Variants in ERG observed in about 807,000 individuals in gnomAD.
The protein encoded by ERG is transcriptional regulator ERG.
In ERG, 9 loss-of-function variants were observed where a neutral mutation model predicts 55.3. The ratio of observed to expected loss-of-function variants is 0.16; its 90% CI spans 0.10 to 0.28. The LOEUF (loss-of-function observed/expected upper bound fraction) is 0.28. Among genes scored for constraint, ERG ranks in the 10% least tolerant of loss-of-function variants. ERG has a pLI of 1.00. For missense variants in ERG, 434 were observed against 631.6 expected, an observed-to-expected ratio of 0.69 and a Z score of 3.35; for synonymous variants, 223 against 237.3, an observed-to-expected ratio of 0.94 and a Z score of 0.55.
At chr21:38,433,095 T>C (rs923233327) in intron 2 of ERG, among the ~76,000 whole-genome samples, 3 of 152,158 alleles carry the variant, frequency 2.0e-5, no homozygotes, top group African/African-American at 7.2e-5. Context: ...ATAAGTTTGG[T>C]CTAAAAGAAA....
intron 1 of ERG, among the ~76,000 whole-genome samples, chr21:38,655,049 G>A (rs1365004232): frequency 1.3e-5 from 2 of 152,138 alleles, no homozygotes; most frequent in African/African-American, 2.4e-5. Flanking sequence ...GTTTTATGTT[G>A]AGATTGTAAA....
chr21:38,385,811 T>C (rs1987669039), intron 9 of ERG, among the ~76,000 whole-genome samples: 2 of 152,196 alleles, frequency 1.3e-5, no homozygotes, highest in Non-Finnish European at 2.9e-5. Flanking sequence ...GTATATATAT[T>C]GTAACCAAAA....
chr21:38,639,557 C>T (rs2060410936), intron 1 of ERG, among the ~76,000 whole-genome samples: 1 of 152,008 alleles, frequency 6.6e-6, no homozygotes, highest in Non-Finnish European at 1.5e-5. Flanking sequence ...AGAAAAATTT[C>T]CCACAACTGA....
At chr21:38,530,502 G>A (rs536421709) in intron 2 of ERG, among the ~76,000 whole-genome samples, 3 of 152,302 alleles carry the variant, frequency 2.0e-5, no homozygotes, top group Non-Finnish European at 2.9e-5. Context: ...TTTACAGAGA[G>A]GCCAGAAAGC....
At chr21:38,570,248 C>T (rs181314737) in intron 2 of ERG, among the ~76,000 whole-genome samples, 5 of 152,262 alleles carry the variant, frequency 3.3e-5, no homozygotes, top group Admixed American at 3.3e-4. Context: ...TTTCCCTTAT[C>T]CCCAACCACT....
At chr21:38,632,432 G>T (rs537979632) in intron 1 of ERG, among the ~76,000 whole-genome samples, 1 of 152,328 alleles carries the variant, frequency 6.6e-6, no homozygotes, top group African/African-American at 2.4e-5. Flanking sequence ...GGGTGATAGG[G>T]TTTGGATCTG....
At chr21:38,596,612 T>C (rs2060133135) in intron 1 of ERG, among the ~76,000 whole-genome samples, 1 of 152,200 alleles carries the variant, frequency 6.6e-6, no homozygotes, top group Admixed American at 6.5e-5. Context: ...TGACAGAAAT[T>C]CAACTACACA....
chr21:38,573,904 C>T (rs540071140), intron 2 of ERG, among the ~76,000 whole-genome samples: 5 of 152,244 alleles, frequency 3.3e-5, no homozygotes, highest in African/African-American at 7.2e-5. Flanking sequence ...AAATCAGAGC[C>T]GAAAACATAG....
intron 1 of ERG, among the ~76,000 whole-genome samples, chr21:38,481,249 A>G (rs1481234528): frequency 6.6e-6 from 1 of 152,198 alleles, no homozygotes; most frequent in Non-Finnish European, 1.5e-5. Flanking sequence ...AATCACATAC[A>G]TTGCCAAATG....
chr21:38,404,561 G>C (rs1988671087), intron 3 of ERG, among the ~76,000 whole-genome samples: 2 of 152,214 alleles, frequency 1.3e-5, no homozygotes, highest in Non-Finnish European at 2.9e-5. Flanking sequence ...TCAGAGTGTG[G>C]TAAATGGGGC....
chr21:38,543,401 T>C (rs774086908), intron 2 of ERG, among the ~76,000 whole-genome samples: 4 of 151,500 alleles, frequency 2.6e-5, no homozygotes, highest in South Asian at 2.1e-4. Flanking sequence ...TTAGCAGAGG[T>C]TATTTCCACA....
At chr21:38,461,971 A>T (rs2059046982) in intron 1 of ERG, among the ~76,000 whole-genome samples, 1 of 149,310 alleles carries the variant, frequency 6.7e-6, no homozygotes, top group African/African-American at 2.5e-5. Flanking sequence ...TGCCTGGCTA[A>T]TTTTTTTTTC....
At chr21:38,603,298 T>C (rs1255122229) in intron 1 of ERG, among the ~76,000 whole-genome samples, 1 of 152,050 alleles carries the variant, frequency 6.6e-6, no homozygotes, top group East Asian at 1.9e-4. Context: ...GAACATGTTT[T>C]AGGACTTTCA....
chr21:38,512,135 A>C (rs2059517099), intron 2 of ERG, among the ~76,000 whole-genome samples: 1 of 152,224 alleles, frequency 6.6e-6, no homozygotes, highest in Non-Finnish European at 1.5e-5. Context: ...TGCCCATCCT[A>C]ACCCACACAA....
chr21:38,588,106 G>A (rs1201776845), upstream of ERG, among the ~76,000 whole-genome samples: 1 of 152,216 alleles, frequency 6.6e-6, no homozygotes, highest in Non-Finnish European at 1.5e-5. Flanking sequence ...GAGAAGCTTT[G>A]CCAGAGAAAG....
chr21:38,495,378 T>C (rs1601135558), intron 1 of ERG, among the ~76,000 whole-genome samples: 1 of 152,242 alleles, frequency 6.6e-6, no homozygotes, highest in East Asian at 1.9e-4. Context: ...AGGCAAGTCA[T>C]GGAAATAGCA....
intron 6 of ERG, among the ~76,000 whole-genome samples, chr21:38,393,623 C>G (rs745969348): frequency 9.9e-5 from 15 of 152,144 alleles, no homozygotes; most frequent in Non-Finnish European, 2.2e-4. Flanking sequence ...TTAAAACCAG[C>G]AATTTGATGG....
At chr21:38,495,002 G>T (rs2059368145) in intron 1 of ERG, among the ~76,000 whole-genome samples, 1 of 152,258 alleles carries the variant, frequency 6.6e-6, no homozygotes, top group South Asian at 2.1e-4. Flanking sequence ...CAGCAGGGCA[G>T]CGGCATTTTG....
At chr21:38,464,333 G>A (rs138936845) in intron 1 of ERG, among the ~76,000 whole-genome samples, 61 of 152,180 alleles carry the variant, frequency 4.0e-4, no homozygotes, top group African/African-American at 1.3e-3. Context: ...ACATCCATCC[G>A]TAGTCCCAAA....
Sources: gnomAD v4.1 joint callset for allele counts (sites outside exome capture counted in the v4.1 genomes callset) on GRCh38, gnomAD v4.1.1 for gene constraint, MANE v1.5 for transcripts, NCBI Gene and HGNC (gene_info 2026-07-23, HGNC 2026-07-21) for gene names.